ACBD6: variants seen among roughly 807,000 people sequenced by gnomAD.
The protein encoded by ACBD6 is acyl-CoA-binding domain-containing protein 6.
ACBD6 carries 28 observed loss-of-function variants against 37.2 expected under a neutral mutation model. The observed-to-expected ratio is 0.75, with a 90% CI of 0.56 to 1.03. The LOEUF is 1.03. Among genes scored for constraint, ACBD6 ranks in the 50% least tolerant of loss-of-function variants. The probability of loss-of-function intolerance (pLI) is 0.00; values close to 1 mark genes in which losing one functional copy is unlikely to be tolerated. For synonymous variants in ACBD6, 113 were observed against 126.8 expected, an observed-to-expected ratio of 0.89 and a Z score of 0.73; for missense variants, 340 against 337.4, an observed-to-expected ratio of 1.01 and a Z score of -0.06.
chr1:180,495,545 T>G lies in ACBD6; in HGVS notation c.223-20A>C. 1 of 1,568,370 alleles carries G rather than the reference T, an allele frequency of 6.4e-7. No individual in the cohort carries two copies. The highest frequency in any genetic ancestry group is 8.8e-7 in the Non-Finnish European group (1 of 1,139,714). ...TTTGACCTAAATGAGGGAAGGAAAA[T>G]CAAGAACTTATTTTTCAAAGAAATG... On this transcript the variant is annotated intron_variant, in intron 1 of 7. Coordinates refer to ENST00000367595, the MANE Select transcript of ACBD6 (RefSeq NM_032360.4).
chr1:180,274,129 AG>A (rs1301649205), intron 10 of ACBD6: 35 of 1,605,056 alleles, frequency 2.2e-5, no homozygotes, highest in Non-Finnish European at 2.9e-5. Context: ...TGTGAAGAGC[AG>A]GGGACCATCA....
chr1:180,322,009 T>G (rs1432908397), intron 6 of ACBD6, among the ~76,000 whole-genome samples: 3 of 152,160 alleles, frequency 2.0e-5, no homozygotes, highest in African/African-American at 7.2e-5. Context: ...CATATAAGAC[T>G]TTTATTATGT....
chr1:180,300,050 G>A (rs1276639626), intron 7 of ACBD6, among the ~76,000 whole-genome samples: 2 of 152,126 alleles, frequency 1.3e-5, no homozygotes, highest in African/African-American at 4.8e-5. Flanking sequence ...TAATCGGAAG[G>A]AGCCAGGATT....
At chr1:180,435,654 CAG>C (rs1346306469) in intron 3 of ACBD6, 1 of 964,196 alleles carries the variant, frequency 1.0e-6, no homozygotes, top group East Asian at 2.4e-5. Flanking sequence ...AATGACGGGA[CAG>C]AGTTTGGCAG....
chr1:180,368,325 G>T (rs968619715), intron 6 of ACBD6, among the ~76,000 whole-genome samples: 16 of 152,066 alleles, frequency 1.1e-4, no homozygotes, highest in Admixed American at 2.6e-4. Context: ...CATTCTATAA[G>T]TTGTCTATTT....
intron 3 of ACBD6, among the ~76,000 whole-genome samples, chr1:180,445,903 G>A (rs1649451541): frequency 6.6e-6 from 1 of 152,210 alleles, no homozygotes; most frequent in South Asian, 2.1e-4. Context: ...TCCAAAGCCT[G>A]TGTTCTATTA....
intron 3 of ACBD6, among the ~76,000 whole-genome samples, chr1:180,476,117 A>G (rs1650771673): frequency 1.3e-5 from 2 of 152,248 alleles, no homozygotes; most frequent in African/African-American, 2.4e-5. Context: ...ATGCAACCCA[A>G]TCCCACCAAT....
intron 3 of ACBD6, among the ~76,000 whole-genome samples, chr1:180,431,933 C>A (rs1240415820): frequency 3.3e-5 from 5 of 152,036 alleles, no homozygotes; most frequent in Non-Finnish European, 7.4e-5. Flanking sequence ...AGGCCAGGTG[C>A]AATGGCTCAC....
At chr1:180,353,099 TTTC>T (rs1316623366) in intron 6 of ACBD6, among the ~76,000 whole-genome samples, 3 of 152,236 alleles carry the variant, frequency 2.0e-5, no homozygotes, top group African/African-American at 7.2e-5. Flanking sequence ...TTTAGCATAT[TTTC>T]TTCATTAGAA....
Position 180,358,718 on chromosome 1 carries a change from T to C in ACBD6, c.663+38798A>G, listed in dbSNP as rs144319424. Among the ~76,000 whole-genome samples the C allele has an allele frequency of 1.6e-4, 24 of 152,228 alleles. No individual in the cohort carries two copies. The East Asian group carries it at 4.6e-3, about 29-fold the overall frequency. On this transcript the variant is annotated intron_variant, in intron 6 of 7. Transcript: ENST00000367595. ...ACTAGCAGACTGCAGGTTTTATAAATACATACAGAAATAATTAAAATATAA... is the reference window on the plus strand; with the variant it reads ...ACTAGCAGACTGCAGGTTTTATAAACACATACAGAAATAATTAAAATATAA...
chr1:180,344,800 C>A (rs1047170883), intron 6 of ACBD6, among the ~76,000 whole-genome samples: 5 of 151,988 alleles, frequency 3.3e-5, no homozygotes, highest in African/African-American at 9.7e-5. Context: ...AACTCTGCTA[C>A]TAGAAAAGAG....
At chr1:180,467,790 A>G (rs1439408153) in intron 3 of ACBD6, among the ~76,000 whole-genome samples, 1 of 150,902 alleles carries the variant, frequency 6.6e-6, no homozygotes, top group Non-Finnish European at 1.5e-5. Flanking sequence ...ACTGTATGAT[A>G]TATCATTATT....
At chr1:180,370,577 A>G (rs1019463340) in intron 6 of ACBD6, among the ~76,000 whole-genome samples, 3 of 152,198 alleles carry the variant, frequency 2.0e-5, no homozygotes, top group African/African-American at 7.2e-5. Context: ...TATAGATTTT[A>G]TATTTTTGTA....
intron 3 of ACBD6, among the ~76,000 whole-genome samples, chr1:180,479,149 A>G (rs1650924975): frequency 6.6e-6 from 1 of 152,164 alleles, no homozygotes; most frequent in Non-Finnish European, 1.5e-5. Flanking sequence ...CAAACAAAAT[A>G]TTCATCAATC....
intron 6 of ACBD6, among the ~76,000 whole-genome samples, chr1:180,370,331 T>TTG (rs1653213517): frequency 6.6e-6 from 1 of 152,124 alleles, no homozygotes; most frequent in Non-Finnish European, 1.5e-5. Context: ...AACTGTGTGT[T>TTG]TGTGTGTGTG....
intron 4 of ACBD6, among the ~76,000 whole-genome samples, chr1:180,419,287 CAAA>C (rs1372033378): frequency 6.6e-6 from 1 of 152,162 alleles, no homozygotes; most frequent in African/African-American, 2.4e-5. Flanking sequence ...TCCTGGATGA[CAAA>C]TAGACATTTG....
intron 6 of ACBD6, among the ~76,000 whole-genome samples, chr1:180,324,259 C>T (rs1013934099): frequency 6.6e-6 from 1 of 151,958 alleles, no homozygotes; most frequent in African/African-American, 2.4e-5. Context: ...CTTGCTTCTG[C>T]CATTCTGTTA....
chr1:180,419,825 G>A (rs2101982544), intron 4 of ACBD6, among the ~76,000 whole-genome samples: 1 of 152,300 alleles, frequency 6.6e-6, no homozygotes. Flanking sequence ...AGAGGGGCTG[G>A]TCTTGCTGTC....
chr1:180,441,199 CTTG>C (rs148536341), intron 3 of ACBD6, among the ~76,000 whole-genome samples: 5,710 of 152,214 alleles, frequency 0.038, 294 homozygotes, highest in African/African-American at 0.11. Flanking sequence ...CCTGCCAAAA[CTTG>C]TTATTATCTT....
Sources: allele counts gnomAD v4.1 joint callset (sites outside exome capture counted in the v4.1 genomes callset), GRCh38; gene constraint gnomAD v4.1.1; transcripts MANE v1.5; gene names NCBI Gene and HGNC (gene_info 2026-07-23, HGNC 2026-07-21).